The following KATNAL1 variants were observed in gnomAD, a reference collection of about 807,000 sequenced individuals.
KATNAL1 encodes katanin p60 ATPase-containing subunit A-like 1.
In KATNAL1, 32 loss-of-function variants were observed where a neutral mutation model predicts 55.2. The observed-to-expected ratio is 0.58, with a 90% CI of 0.44 to 0.78. KATNAL1 has a LOEUF of 0.78. Among genes scored for constraint, KATNAL1 ranks in the 30% least tolerant of loss-of-function variants. The pLI, the probability that KATNAL1 is intolerant of heterozygous loss-of-function variation, is 0.00. For synonymous variants in KATNAL1, 193 were observed against 193.6 expected (o/e 1.00, Z 0.02); for missense variants, 466 against 600.9 (o/e 0.78, Z 2.35).
chr13:30,211,900 C>T lies in KATNAL1; in HGVS notation c.1148-1458G>A, dbSNP rs1334113061. 5.3e-5 allele frequency among the ~76,000 whole-genome samples: 8 copies of T among 152,242 alleles called. No individual in the cohort carries two copies. The South Asian group carries it at 1.5e-3, about 28-fold the overall frequency. ...TAGATCAATAGTACAGAACGGGGTG[C>T]CCAGCAGCAGACCGAAGCATAATTA... On this transcript the variant is annotated intron_variant, in intron 9 of 10. Transcript: ENST00000380615.
At position 30,250,060 on chromosome 13, in the gene KATNAL1, G is replaced by A. The variant is rs138633584; in HGVS notation, c.492+5387C>T. Among the ~76,000 whole-genome samples the A allele has an allele frequency of 2.6e-3, 389 of 152,200 alleles. 1 individual carries two copies. Among genetic ancestry groups the A allele is most frequent in the Middle Eastern group, 0.014 (4 of 294 alleles). On this transcript the variant is annotated intron_variant, in intron 4 of 10. Coordinates refer to ENST00000380615, the MANE Select transcript of KATNAL1 (RefSeq NM_032116.5). ...CCATAGTTTATTGTATCTCTATGGT[G>A]GAAACACCATAGAATGGTAGGCTGC...
intron 1 of KATNAL1, among the ~76,000 whole-genome samples, chr13:30,301,659 C>A (rs951816336): frequency 6.6e-6 from 1 of 152,138 alleles, no homozygotes; most frequent in Non-Finnish European, 1.5e-5. Context: ...GTCCTCCTGG[C>A]TCATTACAAT....
intron 9 of KATNAL1, among the ~76,000 whole-genome samples, chr13:30,215,804 T>C (rs1251113259): frequency 1.3e-5 from 2 of 152,034 alleles, no homozygotes; most frequent in Non-Finnish European, 2.9e-5. Flanking sequence ...AGGGATAGCA[T>C]TAGAAGATAC....
chr13:30,294,904 T>G (rs1566134621), intron 1 of KATNAL1, among the ~76,000 whole-genome samples: 1 of 152,190 alleles, frequency 6.6e-6, no homozygotes, highest in Non-Finnish European at 1.5e-5. Context: ...GTAAATGGAA[T>G]AGCAAAGTCT....
At chr13:30,259,744 T>C (rs908967663) in intron 3 of KATNAL1, among the ~76,000 whole-genome samples, 1 of 152,202 alleles carries the variant, frequency 6.6e-6, no homozygotes, top group Non-Finnish European at 1.5e-5. Context: ...TCTTGCTGAT[T>C]GCTAGCACAG....
intron 1 of KATNAL1, among the ~76,000 whole-genome samples, chr13:30,284,915 G>A (rs1035124951): frequency 1.3e-5 from 2 of 152,186 alleles, no homozygotes; most frequent in African/African-American, 2.4e-5. Flanking sequence ...AGTTACAGGA[G>A]AATGATATCC....
chr13:30,274,094 T>C (rs966194540), intron 3 of KATNAL1, among the ~76,000 whole-genome samples: 2 of 152,184 alleles, frequency 1.3e-5, no homozygotes, highest in African/African-American at 4.8e-5. Flanking sequence ...CACTTCAATA[T>C]ACATTTTACA....
chr13:30,227,261 A>T, intron 9 of KATNAL1, 151 bp downstream of exon 9: 1 of 536,366 alleles, frequency 1.9e-6, no homozygotes, highest in Non-Finnish European at 3.1e-6. Flanking sequence ...AAATTTCAAT[A>T]GAGTACTGTG....
chr13:30,307,497 A>C lies in KATNAL1; in HGVS notation c.-181T>G, dbSNP rs1883259597. 1 of 151,892 alleles carries C rather than the reference A, an allele frequency of 6.6e-6. No individual in the cohort carries two copies. Among genetic ancestry groups the C allele is most frequent in the Non-Finnish European group, 1.5e-5 (1 of 68,054 alleles). The allele number at this position is 151,892 out of a possible 1,614,324, so 9.4% of individuals were successfully genotyped here. ...GCAGCCGCGGCCGCGCGGTGGGCGC[A>C]GCGCGGGAGGGAGCGCGGGGGCTGT... On this transcript the variant is annotated 5_prime_UTR_variant, in exon 1 of 11. Coordinates refer to ENST00000380615, the MANE Select transcript of KATNAL1 (RefSeq NM_032116.5).
At chr13:30,236,137 G>T (rs536712427) in intron 6 of KATNAL1, among the ~76,000 whole-genome samples, 1 of 152,130 alleles carries the variant, frequency 6.6e-6, no homozygotes, top group Non-Finnish European at 1.5e-5. Context: ...ATGTGTAAGG[G>T]GACCCACGAT....
At chr13:30,274,746 A>T (rs527500132) in intron 3 of KATNAL1, among the ~76,000 whole-genome samples, 2 of 152,200 alleles carry the variant, frequency 1.3e-5, no homozygotes, top group South Asian at 4.1e-4. Context: ...AAATGAAATC[A>T]GTGTGTCAGA....
intron 3 of KATNAL1, among the ~76,000 whole-genome samples, chr13:30,262,153 A>G (rs1879347737): frequency 6.6e-6 from 1 of 151,198 alleles, no homozygotes; most frequent in African/African-American, 2.4e-5. Flanking sequence ...AGAAATAAAG[A>G]TGTTCTTTGA....
At chr13:30,234,128 T>C (rs1469834558) in intron 6 of KATNAL1, among the ~76,000 whole-genome samples, 2 of 152,214 alleles carry the variant, frequency 1.3e-5, no homozygotes, top group African/African-American at 4.8e-5. Context: ...ATTGGATCTT[T>C]ACAAATTATG....
At chr13:30,248,981 C>G (rs780970046) in intron 4 of KATNAL1, among the ~76,000 whole-genome samples, 3 of 151,848 alleles carry the variant, frequency 2.0e-5, no homozygotes, top group African/African-American at 7.3e-5. Context: ...ATGGCGTGAA[C>G]GCAGGAGGCG....
At chr13:30,248,842 G>A (rs954722445) in intron 4 of KATNAL1, among the ~76,000 whole-genome samples, 4 of 152,112 alleles carry the variant, frequency 2.6e-5, no homozygotes, top group African/African-American at 9.7e-5. Flanking sequence ...GGTGGATCAC[G>A]AGGTCAGGAG....
intron 1 of KATNAL1, among the ~76,000 whole-genome samples, chr13:30,297,704 T>C (rs1383296073): frequency 6.6e-6 from 1 of 152,226 alleles, no homozygotes; most frequent in Non-Finnish European, 1.5e-5. Flanking sequence ...AACAAAATCA[T>C]GCCCTTTGCA....
intron 4 of KATNAL1, among the ~76,000 whole-genome samples, chr13:30,253,310 G>A (rs544091308): frequency 9.9e-5 from 15 of 152,212 alleles, no homozygotes; most frequent in East Asian, 3.9e-4. Flanking sequence ...AAACAACTGC[G>A]GAGTTCTTTT....
At chr13:30,237,290 C>T (rs1009508043) in intron 6 of KATNAL1, among the ~76,000 whole-genome samples, 2 of 152,022 alleles carry the variant, frequency 1.3e-5, no homozygotes, top group African/African-American at 2.4e-5. Context: ...GAAAAAAAGT[C>T]GAATCTGTCA....
chr13:30,306,349 A>T (rs1248465324), intron 1 of KATNAL1, among the ~76,000 whole-genome samples: 1 of 152,198 alleles, frequency 6.6e-6, no homozygotes, highest in Non-Finnish European at 1.5e-5. Flanking sequence ...TGGAATAATC[A>T]AAGAATTATT....
Sources: allele counts gnomAD v4.1 joint callset (sites outside exome capture counted in the v4.1 genomes callset), GRCh38; gene constraint gnomAD v4.1.1; transcripts MANE v1.5; gene names NCBI Gene and HGNC (gene_info 2026-07-23, HGNC 2026-07-21).